LAMA2: variants seen among roughly 807,000 people sequenced by gnomAD.
LAMA2 encodes the protein laminin subunit alpha 2, also known as laminin subunit alpha-2.
In LAMA2, 269 loss-of-function variants were observed where a neutral mutation model predicts 364.8. The ratio of observed to expected loss-of-function variants is 0.74; its 90% CI spans 0.67 to 0.82. The LOEUF is 0.82. LAMA2 is among the 40% of genes least tolerant of loss of function. LAMA2 has a pLI of 0.00. For synonymous variants in LAMA2, 1,379 were observed against 1,370.6 expected (o/e 1.01, Z -0.14); for missense variants, 3,807 against 3,873.2 (o/e 0.98, Z 0.45).
chr6:129,094,798 C>G (rs185412725), intron 3 of LAMA2, among the ~76,000 whole-genome samples: 3 of 152,334 alleles, frequency 2.0e-5, no homozygotes, highest in Admixed American at 2.0e-4. Context: ...TTCATTATCT[C>G]ATTATCTCTT....
rs796747068 is a variant in LAMA2, at chr6:129,441,982, CA to C, written c.6268+996del. On this transcript the variant is annotated intron_variant, in intron 43 of 64. Coordinates refer to ENST00000421865, the MANE Select transcript of LAMA2 (RefSeq NM_000426.4). ...TGGGTGGCAGATTGAGATGCTGTCT[CA>C]AAAAAAAAAAAGGGGGTTATCTTGG... Among the ~76,000 whole-genome samples, 669 of 135,910 alleles carry C rather than the reference CA, an allele frequency of 4.9e-3. 1 individual carries two copies. Among genetic ancestry groups the C allele is most frequent in the Middle Eastern group, 0.011 (3 of 268 alleles). 89.2% of individuals were successfully genotyped at this position (135,910 alleles called of 152,430 possible).
chr6:128,989,890 T>C (rs761580813), intron 1 of LAMA2, among the ~76,000 whole-genome samples: 1 of 151,902 alleles, frequency 6.6e-6, no homozygotes, highest in Non-Finnish European at 1.5e-5. Context: ...AGACAGCACG[T>C]TTTTTTTCTG....
At chr6:129,199,176 T>A (rs563356002) in intron 12 of LAMA2, among the ~76,000 whole-genome samples, 160 of 152,302 alleles carry the variant, frequency 1.1e-3, no homozygotes, top group African/African-American at 3.7e-3. Flanking sequence ...GATTTTATCA[T>A]CCGTGTTTGA....
At chr6:129,285,811 C>T (rs1475751922) in intron 18 of LAMA2, among the ~76,000 whole-genome samples, 1 of 152,020 alleles carries the variant, frequency 6.6e-6, no homozygotes. Context: ...AATTTTATTG[C>T]ATATTTTATA....
chr6:129,218,203 A>G (rs1323852915), intron 12 of LAMA2, among the ~76,000 whole-genome samples: 1 of 152,102 alleles, frequency 6.6e-6, no homozygotes, highest in East Asian at 1.9e-4. Context: ...CAACATTAAC[A>G]TCTCAGTGTA....
intron 43 of LAMA2, chr6:129,442,770 C>T: frequency 2.3e-6 from 1 of 434,548 alleles, no homozygotes. Context: ...TAATCCTATC[C>T]TCTATTATGA....
chr6:129,080,995 A>G (rs1774013318), intron 3 of LAMA2, among the ~76,000 whole-genome samples: 1 of 152,328 alleles, frequency 6.6e-6, no homozygotes, highest in African/African-American at 2.4e-5. Flanking sequence ...AACCAACCCA[A>G]ATGTCCATCA....
At chr6:129,218,843 T>A (rs1219226934) in intron 12 of LAMA2, among the ~76,000 whole-genome samples, 1 of 151,042 alleles carries the variant, frequency 6.6e-6, no homozygotes, top group East Asian at 1.9e-4. Context: ...AGATACATGT[T>A]TAATACTGTA....
chr6:129,311,705 T>G (rs1488913257), intron 22 of LAMA2, among the ~76,000 whole-genome samples: 4 of 152,084 alleles, frequency 2.6e-5, no homozygotes, highest in Non-Finnish European at 5.9e-5. Context: ...AGATATGAGC[T>G]CTGTAAATCA....
chr6:129,024,126 C>A (rs1460131656), intron 1 of LAMA2, among the ~76,000 whole-genome samples: 2 of 151,956 alleles, frequency 1.3e-5, no homozygotes, highest in Non-Finnish European at 2.9e-5. Context: ...CATTTCTGAA[C>A]GTTAATTTGT....
At chr6:129,378,963 C>T (rs890236968) in intron 34 of LAMA2, among the ~76,000 whole-genome samples, 4 of 152,076 alleles carry the variant, frequency 2.6e-5, no homozygotes, top group Non-Finnish European at 5.9e-5. Flanking sequence ...ACCTAAGTGC[C>T]CATCAATAAT....
At chr6:129,465,089 C>G in intron 50 of LAMA2, 56 bp from the exon 51 acceptor site, 1 of 1,387,848 alleles carries the variant, frequency 7.2e-7, no homozygotes, top group Non-Finnish European at 1.0e-6. Flanking sequence ...GAAAAGTGAA[C>G]ACTCATATAC....
chr6:129,046,351 C>T (rs1787496499), intron 1 of LAMA2, among the ~76,000 whole-genome samples: 1 of 152,176 alleles, frequency 6.6e-6, no homozygotes, highest in African/African-American at 2.4e-5. Flanking sequence ...CACAGTTCCA[C>T]ATGGCTGGGG....
intron 9 of LAMA2, among the ~76,000 whole-genome samples, chr6:129,169,959 T>C (rs1307812325): frequency 6.6e-6 from 1 of 150,972 alleles, no homozygotes; most frequent in African/African-American, 2.5e-5. Flanking sequence ...TAGAGGTGTT[T>C]GTAGTATTCT....
In LAMA2 at chr6:129,288,036, A is replaced by G. The variant is rs2114420959; in HGVS notation, c.2727A>G (p.Ala909=). ...GTGCTGATGGATATTTTGGAGATGCAGTTGATGCGAAGAACTGTCAGCGTA... is the reference window on the plus strand; with the variant it reads ...GTGCTGATGGATATTTTGGAGATGCGGTTGATGCGAAGAACTGTCAGCGTA... ...ELCADGYFGD[A]VDAKNCQPCR... is the part of the protein sequence containing the mutation. The change falls in exon 19 of 65, where the codon GCA becomes GCG. Residue 909 remains alanine (A), a synonymous_variant. Coordinates refer to ENST00000421865, the MANE Select transcript of LAMA2 (RefSeq NM_000426.4). 10 of 1,613,992 alleles carry G rather than the reference A, an allele frequency of 6.2e-6. No individual in the cohort carries two copies. The highest frequency in any genetic ancestry group is 8.5e-6 in the Non-Finnish European group (10 of 1,179,856).
intron 32 of LAMA2, among the ~76,000 whole-genome samples, chr6:129,365,724 A>G (rs1375819918): frequency 6.6e-6 from 1 of 151,480 alleles, no homozygotes; most frequent in Non-Finnish European, 1.5e-5. Flanking sequence ...AAAAATTTAT[A>G]TACTTTTTGA....
At chr6:129,396,344 C>G (rs1372010221) in intron 37 of LAMA2, among the ~76,000 whole-genome samples, 1 of 152,106 alleles carries the variant, frequency 6.6e-6, no homozygotes, top group African/African-American at 2.4e-5. Context: ...CTGGGAGATT[C>G]AGCAAAAGTT....
chr6:129,481,148 A>G (rs1784325296), intron 54 of LAMA2, 115 bp from the exon 55 acceptor site: 2 of 809,374 alleles, frequency 2.5e-6, no homozygotes, highest in Admixed American at 3.8e-5. Context: ...TGCTTTCTAA[A>G]CCTATGATGT....
intron 23 of LAMA2, among the ~76,000 whole-genome samples, chr6:129,313,972 C>T (rs920344361): frequency 1.3e-5 from 2 of 152,124 alleles, no homozygotes; most frequent in Admixed American, 6.5e-5. Context: ...ATATTTTAAC[C>T]TGCTGCCTAT....
Sources: allele counts gnomAD v4.1 joint callset (sites outside exome capture counted in the v4.1 genomes callset), GRCh38; gene constraint gnomAD v4.1.1; transcripts MANE v1.5; gene names NCBI Gene and HGNC (gene_info 2026-07-23, HGNC 2026-07-21).